Variants in ABHD17B observed in about 807,000 individuals in gnomAD.
The protein encoded by ABHD17B is alpha/beta hydrolase domain-containing protein 17B.
ABHD17B carries 9 observed loss-of-function variants against 26.2 expected under a neutral mutation model. The observed-to-expected ratio is 0.34, with a 90% CI of 0.21 to 0.60. The LOEUF (loss-of-function observed/expected upper bound fraction) is 0.60, where lower values mean the gene tolerates loss of function less well. Among genes scored for constraint, ABHD17B ranks in the 20% least tolerant of loss-of-function variants. The probability of loss-of-function intolerance (pLI) is 0.80; values close to 1 mark genes in which losing one functional copy is unlikely to be tolerated. For synonymous variants in ABHD17B, 127 were observed against 122.3 expected (o/e 1.04, Z -0.25); for missense variants, 224 against 352.1 (o/e 0.64, Z 2.91).
chr9:71,863,093 A>G (rs1379459206), downstream of ABHD17B, among the ~76,000 whole-genome samples: 2 of 152,138 alleles, frequency 1.3e-5, no homozygotes, highest in Non-Finnish European at 2.9e-5. Context: ...TGAAGATGAC[A>G]AACTAGTTCA....
At chr9:71,907,117 T>A (rs1193296989) in intron 1 of ABHD17B, among the ~76,000 whole-genome samples, 1 of 152,188 alleles carries the variant, frequency 6.6e-6, no homozygotes, top group Non-Finnish European at 1.5e-5. Flanking sequence ...ATACCTAACA[T>A]ATACAGGAAT....
chr9:71,906,953 G>A (rs967256879), intron 1 of ABHD17B, among the ~76,000 whole-genome samples: 4 of 152,210 alleles, frequency 2.6e-5, no homozygotes, highest in African/African-American at 7.2e-5. Flanking sequence ...TCTTGAGCTC[G>A]AGTATTTACA....
chr9:71,875,228 T>TTA, intron 1 of ABHD17B, 145 bp from the exon 2 acceptor site: 2 of 544,252 alleles, frequency 3.7e-6, no homozygotes, highest in Admixed American at 5.2e-5. Context: ...GATTTTTGGC[T>TTA]TCTTTTTTTT....
intron 2 of ABHD17B, among the ~76,000 whole-genome samples, chr9:71,873,053 T>C (rs1300861643): frequency 6.6e-6 from 1 of 151,922 alleles, no homozygotes; most frequent in Admixed American, 6.6e-5. Context: ...ATTGAGGAAA[T>C]TTTTCCTGAC....
intron 1 of ABHD17B, among the ~76,000 whole-genome samples, chr9:71,908,484 T>C (rs1827351414): frequency 6.6e-6 from 1 of 151,454 alleles, no homozygotes; most frequent in Non-Finnish European, 1.5e-5. Flanking sequence ...GCAATGTATG[T>C]GAGAAATTTT....
At chr9:71,909,701 G>A (rs1302633898) in intron 1 of ABHD17B, among the ~76,000 whole-genome samples, 1 of 152,114 alleles carries the variant, frequency 6.6e-6, no homozygotes, top group Non-Finnish European at 1.5e-5. Flanking sequence ...ATCACAAAAA[G>A]TATTAAACAG....
intron 1 of ABHD17B, among the ~76,000 whole-genome samples, chr9:71,879,518 G>T (rs1826379164): frequency 6.6e-6 from 1 of 151,980 alleles, no homozygotes; most frequent in East Asian, 1.9e-4. Context: ...GATAGTGCAG[G>T]GCACATCTAA....
chr9:71,863,279 C>T (rs78408000), downstream of ABHD17B, among the ~76,000 whole-genome samples: 1,382 of 152,222 alleles, frequency 9.1e-3, 21 homozygotes, highest in African/African-American at 0.031. Context: ...TGAGCCATTA[C>T]GTGTGAGTAG....
intron 1 of ABHD17B, among the ~76,000 whole-genome samples, chr9:71,885,295 ATAAT>A (rs1332538304): frequency 2.0e-5 from 3 of 151,868 alleles, no homozygotes; most frequent in Admixed American, 2.0e-4. Flanking sequence ...AAAAATAATA[ATAAT>A]TAATATAAAA....
In ABHD17B at chr9:71,865,995, G is replaced by C; in HGVS notation, c.*792C>G. 1.0e-6 allele frequency: 1 copy of C among 985,256 alleles called. No individual in the cohort carries two copies. Among genetic ancestry groups the C allele is most frequent in the Non-Finnish European group, 1.2e-6 (1 of 829,796 alleles). 61.0% of individuals were successfully genotyped at this position (985,256 alleles called of 1,614,324 possible). On this transcript the variant is annotated 3_prime_UTR_variant, in exon 4 of 4. Coordinates refer to ENST00000333421, the MANE Select transcript of ABHD17B (RefSeq NM_001025780.3). The stretch of plus-strand genomic sequence containing the variant: ...CAATTCTATGAAGACTATGAGATCA[G>C]TCAAAATTTAAAACATCGTATACAA...
Position 71,866,132 on chromosome 9 carries a change from C to T in ABHD17B, c.*655G>A. 1.0e-6 allele frequency: 1 copy of T among 985,076 alleles called. No homozygotes were observed. Among genetic ancestry groups the T allele is most frequent in the Non-Finnish European group, 1.2e-6 (1 of 829,290 alleles). 61.0% of individuals were successfully genotyped at this position (985,076 alleles called of 1,614,324 possible). Reference sequence around the variant, plus strand: ...AAAACTAGTTAAAATTCAGTGCTATCATGACTTCTCATTTACAAGGTAACT... The same window carrying T: ...AAAACTAGTTAAAATTCAGTGCTATTATGACTTCTCATTTACAAGGTAACT... On this transcript the variant is annotated 3_prime_UTR_variant, in exon 4 of 4. Coordinates refer to ENST00000333421, the MANE Select transcript of ABHD17B (RefSeq NM_001025780.3).
In ABHD17B at chr9:71,866,091, A is replaced by T; in HGVS notation, c.*696T>A. The stretch of plus-strand genomic sequence containing the variant: ...AAATTTTAAGTACTTGCCTCACAGT[A>T]CCAAACTTAGAAGTCAAAACTAGTT... On this transcript the variant is annotated 3_prime_UTR_variant, in exon 4 of 4. Coordinates refer to ENST00000333421, the MANE Select transcript of ABHD17B (RefSeq NM_001025780.3). 1 of 985,570 alleles carries T rather than the reference A, an allele frequency of 1.0e-6. No homozygotes were observed. The highest frequency in any genetic ancestry group is 1.2e-6 in the Non-Finnish European group (1 of 829,822). The allele number at this position is 985,570 out of a possible 1,614,324, so 61.1% of individuals were successfully genotyped here. A position where few individuals can be genotyped will look rare whatever the true frequency, so the allele number is the denominator to read the frequency against.
chr9:71,879,211 A>C (rs904004284), intron 1 of ABHD17B, among the ~76,000 whole-genome samples: 23 of 152,144 alleles, frequency 1.5e-4, no homozygotes, highest in Admixed American at 1.2e-3. Flanking sequence ...CTTCTATGAG[A>C]TATCTGAGAT....
In ABHD17B at chr9:71,874,824, C is replaced by A. The variant is rs1173393179; in HGVS notation, c.257G>T (p.Cys86Phe). 1 of 1,614,176 alleles carries A rather than the reference C, an allele frequency of 6.2e-7. No homozygotes were observed. The highest frequency in any genetic ancestry group is 2.2e-5 in the East Asian group (1 of 44,882). ...TAAAGTGTATTTCGCATTGGGTGAACAACGTACAAACATACAAGCAATTCT... is the reference window on the plus strand; with the variant it reads ...TAAAGTGTATTTCGCATTGGGTGAAAAACGTACAAACATACAAGCAATTCT... Reference protein sequence around the residue: ...GNRIACMFVRCSPNAKYTLLF... With the variant: ...GNRIACMFVRFSPNAKYTLLF... The change falls in exon 2 of 4, where the codon TGT becomes TTT. Residue 86 changes from cysteine to phenylalanine, a missense_variant. Transcript: ENST00000333421.
At chr9:71,868,149 G>A (rs911095881) in intron 3 of ABHD17B, among the ~76,000 whole-genome samples, 2 of 151,978 alleles carry the variant, frequency 1.3e-5, no homozygotes, top group East Asian at 1.9e-4. Context: ...AACCCTGGAG[G>A]CAGAGGTTGC....
At position 71,881,684 on chromosome 9, in the gene ABHD17B, G is replaced by A. The variant is rs145681882; in HGVS notation, c.-3-6601C>T. Among the ~76,000 whole-genome samples, 483 of 152,198 alleles carry A rather than the reference G, an allele frequency of 3.2e-3. 3 individuals carry two copies. Among genetic ancestry groups the A allele is most frequent in the African/African-American group, 0.01 (435 of 41,534 alleles). On this transcript the variant is annotated intron_variant, in intron 1 of 3. Transcript: ENST00000333421. ...GGACGGATCATGAGGTCAGGAGATCGAGACCATCCTGCTAACATGGTGAAA... is the reference window on the plus strand; with the variant it reads ...GGACGGATCATGAGGTCAGGAGATCAAGACCATCCTGCTAACATGGTGAAA...
chr9:71,873,456 G>A (rs1230510335), intron 2 of ABHD17B, among the ~76,000 whole-genome samples: 1 of 151,980 alleles, frequency 6.6e-6, no homozygotes, highest in Non-Finnish European at 1.5e-5. Flanking sequence ...TGAGTGCAGT[G>A]GTGTGATCTC....
intron 1 of ABHD17B, among the ~76,000 whole-genome samples, chr9:71,908,254 T>A (rs1271359341): frequency 8.7e-5 from 13 of 148,976 alleles, no homozygotes; most frequent in Non-Finnish European, 1.8e-4. Flanking sequence ...TAGCCGGGAG[T>A]GGTGGCGGGT....
rs1397390544 is a variant in ABHD17B, at chr9:71,866,858, C to T, written c.796G>A (p.Asp266Asn). The T allele has an allele frequency of 3.1e-6, 5 of 1,614,182 alleles. No homozygotes were observed. In the Admixed American group the frequency reaches 8.3e-5, roughly 27 times the overall value. The change falls in exon 4 of 4, where the codon GAT becomes AAT. Residue 266 changes from aspartate (D) to asparagine (N), a missense_variant. Physicochemically the swap from Asp to Asn is conservative, Grantham distance 23. Transcript: ENST00000333421. ...AGATACTGTCCATAAAGTTCCACAT[C>T]ATTGTGACCTGCTCCTTCAACCCAG... ...PLWVEGAGHN[D>N]VELYGQYLER...
Sources: gnomAD v4.1 joint callset for allele counts (sites outside exome capture counted in the v4.1 genomes callset) on GRCh38, gnomAD v4.1.1 for gene constraint, MANE v1.5 for transcripts, NCBI Gene and HGNC (gene_info 2026-07-23, HGNC 2026-07-21) for gene names.